Variants in PCDH7 observed in about 807,000 individuals in gnomAD.
PCDH7 encodes protocadherin 7.
Under a neutral mutation model 58.9 loss-of-function variants are expected in PCDH7, and 17 were observed. That is an observed-to-expected ratio of 0.29 (90% CI 0.20 to 0.43). The LOEUF is 0.43. Ranked by LOEUF, PCDH7 falls within the 20% of genes least tolerant of loss-of-function variation. PCDH7 has a pLI of 1.00. For synonymous variants in PCDH7, 664 were observed against 616.4 expected (o/e 1.08, Z -1.14); for missense variants, 1,274 against 1,441.0 (o/e 0.88, Z 1.88).
chr4:30,885,635 T>C (rs1737622382), intron 1 of PCDH7, among the ~76,000 whole-genome samples: 1 of 152,072 alleles, frequency 6.6e-6, no homozygotes, highest in Non-Finnish European at 1.5e-5. Flanking sequence ...AAAGTTCATA[T>C]GGAACCAAAA....
At chr4:31,097,912 T>C (rs1331057755) in intron 3 of PCDH7, among the ~76,000 whole-genome samples, 1 of 151,962 alleles carries the variant, frequency 6.6e-6, no homozygotes, top group Non-Finnish European at 1.5e-5. Context: ...CCACTGTTAT[T>C]TTATCCTTTC....
In PCDH7 at chr4:30,730,880, G is replaced by T. The variant is rs1290826069; in HGVS notation, c.*92G>T. The T allele has an allele frequency of 4.1e-6, 6 of 1,462,658 alleles. No homozygotes were observed. In the South Asian group the frequency reaches 6.3e-5, roughly 15 times the overall value. 90.6% of individuals were successfully genotyped at this position (1,462,658 alleles called of 1,614,324 possible). A position where few individuals can be genotyped will look rare whatever the true frequency, so the allele number is the denominator to read the frequency against. The stretch of plus-strand genomic sequence containing the variant: ...TGGAGCCTGCCCTTGGCCGTGGGGT[G>T]TCAGCCAATCACTGCTTGTTCCACT... On this transcript the variant is annotated 3_prime_UTR_variant, in exon 2 of 2. Coordinates refer to ENST00000361762, the Ensembl canonical transcript of PCDH7.
At chr4:31,089,529 C>T (rs991094678) in intron 3 of PCDH7, among the ~76,000 whole-genome samples, 1 of 151,824 alleles carries the variant, frequency 6.6e-6, no homozygotes, top group African/African-American at 2.4e-5. Context: ...ATATAAAATG[C>T]TGTATATTAG....
intron 1 of PCDH7, among the ~76,000 whole-genome samples, chr4:30,781,529 A>C (rs1201966497): frequency 6.7e-6 from 1 of 148,274 alleles, no homozygotes; most frequent in Non-Finnish European, 1.5e-5. Context: ...AATATTTTCT[A>C]TCTCTCTATT....
chr4:30,885,575 C>T (rs967622632), intron 1 of PCDH7, among the ~76,000 whole-genome samples: 1 of 151,940 alleles, frequency 6.6e-6, no homozygotes, highest in Non-Finnish European at 1.5e-5. Context: ...CAATGCCATC[C>T]CCATCAAGCT....
chr4:31,126,593 T>A (rs939752582), intron 3 of PCDH7, among the ~76,000 whole-genome samples: 1 of 152,214 alleles, frequency 6.6e-6, no homozygotes, highest in African/African-American at 2.4e-5. Flanking sequence ...TTCTTCTTCA[T>A]CTTGGAATTT....
intron 1 of PCDH7, among the ~76,000 whole-genome samples, chr4:30,860,643 A>G (rs1418792805): frequency 9.9e-5 from 15 of 152,122 alleles, no homozygotes; most frequent in Non-Finnish European, 1.5e-5. Context: ...ATCTTGCCCC[A>G]AGACGAAAAA....
intron 1 of PCDH7, among the ~76,000 whole-genome samples, chr4:30,852,948 T>C (rs749989324): frequency 6.6e-6 from 1 of 152,032 alleles, no homozygotes; most frequent in Non-Finnish European, 1.5e-5. Flanking sequence ...TAAATGGGTT[T>C]CATTCTACCT....
At chr4:31,017,564 T>C (rs1214165518) in intron 3 of PCDH7, among the ~76,000 whole-genome samples, 1 of 152,076 alleles carries the variant, frequency 6.6e-6, no homozygotes, top group African/African-American at 2.4e-5. Flanking sequence ...ATATGAAGAT[T>C]CATTTGACAC....
intron 1 of PCDH7, among the ~76,000 whole-genome samples, chr4:30,791,350 T>C (rs1012065955): frequency 1.3e-5 from 2 of 152,238 alleles, no homozygotes; most frequent in Non-Finnish European, 2.9e-5. Flanking sequence ...CTTCATATTT[T>C]ATATGTTATT....
intron 1 of PCDH7, among the ~76,000 whole-genome samples, chr4:30,778,267 A>C (rs1424196953): frequency 6.6e-6 from 1 of 152,156 alleles, no homozygotes; most frequent in African/African-American, 2.4e-5. Flanking sequence ...AAACTAATAC[A>C]TCACGCTGCA....
Position 30,908,063 on chromosome 4 carries a change from C to T in PCDH7, c.71-12090C>T, listed in dbSNP as rs193245619. Among the ~76,000 whole-genome samples, 12 of 152,050 alleles carry T rather than the reference C, an allele frequency of 7.9e-5. No individual in the cohort carries two copies. In the East Asian group the frequency reaches 2.3e-3, roughly 30 times the overall value. On this transcript the variant is annotated intron_variant, in intron 1 of 3. Transcript: ENST00000509759. ...GAGTTAAACAATTAGAACACATGGACACAGGGCAGGGAACACCACACACCA... is the reference window on the plus strand; with the variant it reads ...GAGTTAAACAATTAGAACACATGGATACAGGGCAGGGAACACCACACACCA...
intron 1 of PCDH7, among the ~76,000 whole-genome samples, chr4:30,865,476 T>A (rs1377606440): frequency 1.3e-5 from 2 of 152,046 alleles, no homozygotes; most frequent in African/African-American, 4.8e-5. Context: ...GGAAGGCTGT[T>A]CACTGAATCT....
At chr4:30,939,477 C>G (rs550482185) in intron 2 of PCDH7, among the ~76,000 whole-genome samples, 1 of 152,168 alleles carries the variant, frequency 6.6e-6, no homozygotes, top group African/African-American at 2.4e-5. Context: ...TTGTGAGACT[C>G]CAGCATAGTT....
chr4:30,790,435 A>G (rs1207977735), intron 1 of PCDH7, among the ~76,000 whole-genome samples: 2 of 152,226 alleles, frequency 1.3e-5, no homozygotes, highest in African/African-American at 2.4e-5. Flanking sequence ...CAGAGCTTTG[A>G]TGCCAAATAG....
At chr4:31,080,877 T>C (rs925991022) in intron 3 of PCDH7, among the ~76,000 whole-genome samples, 4 of 152,168 alleles carry the variant, frequency 2.6e-5, no homozygotes, top group African/African-American at 7.2e-5. Context: ...CTCCATACTG[T>C]TCTTGTGGTA....
intron 1 of PCDH7, among the ~76,000 whole-genome samples, chr4:30,766,080 T>G (rs1720708264): frequency 6.7e-6 from 1 of 150,084 alleles, no homozygotes; most frequent in African/African-American, 2.5e-5. Context: ...CTGGGGACAC[T>G]GTGCCAGACA....
intron 1 of PCDH7, among the ~76,000 whole-genome samples, chr4:30,861,561 TA>T (rs1416480812): frequency 6.6e-6 from 1 of 152,190 alleles, no homozygotes; most frequent in Non-Finnish European, 1.5e-5. Flanking sequence ...AGATAATTTT[TA>T]ACTATTCTGA....
intron 1 of PCDH7, among the ~76,000 whole-genome samples, chr4:30,880,395 T>A (rs1736818563): frequency 6.6e-6 from 1 of 152,136 alleles, no homozygotes; most frequent in African/African-American, 2.4e-5. Flanking sequence ...CTGCATTGCA[T>A]AGTTAAAGCA....
Sources: allele counts gnomAD v4.1 joint callset (sites outside exome capture counted in the v4.1 genomes callset), GRCh38; gene constraint gnomAD v4.1.1; transcripts MANE v1.5; gene names NCBI Gene and HGNC (gene_info 2026-07-23, HGNC 2026-07-21).